The following ZMYM5 variants were observed in gnomAD, a reference collection of about 807,000 sequenced individuals.
ZMYM5 encodes the protein zinc finger MYM-type containing 5, also known as zinc finger MYM-type protein 5.
In ZMYM5, 41 loss-of-function variants were observed where a neutral mutation model predicts 61.8. That is an observed-to-expected ratio of 0.66 (90% CI 0.52 to 0.86). The LOEUF (loss-of-function observed/expected upper bound fraction) is 0.86. Among genes scored for constraint, ZMYM5 ranks in the 40% least tolerant of loss-of-function variants. The pLI, the probability that ZMYM5 is intolerant of heterozygous loss-of-function variation, is 0.00. For synonymous variants in ZMYM5, 257 were observed against 276.4 expected (o/e 0.93, Z 0.70); for missense variants, 706 against 786.7 (o/e 0.90, Z 1.23).
chr13:19,846,883 T>C (rs1353561297), intron 4 of ZMYM5, among the ~76,000 whole-genome samples: 2 of 152,002 alleles, frequency 1.3e-5, no homozygotes, highest in African/African-American at 2.4e-5. Flanking sequence ...GCTATGATCA[T>C]GGCACTGCAC....
chr13:19,838,837 T>G lies in ZMYM5; in HGVS notation c.735A>C (p.Ala245=), dbSNP rs913240848. The G allele has an allele frequency of 6.2e-6, 10 of 1,614,072 alleles. No homozygotes were observed. The highest frequency in any genetic ancestry group is 1.3e-5 in the African/African-American group (1 of 74,938). Residue 245 remains alanine (A), a synonymous_variant, in exon 5 of 8, where the codon GCA becomes GCC. Transcript: ENST00000337963. ...CCTTCTGTAAAGGCTTTTTGCAATT[T>G]GCACAAGTGATTTTAGCTGGTTTAG... ...QLTKPAKITC[A]NCKKPLQKGQ...
chr13:19,860,610 G>A (rs916472752), intron 2 of ZMYM5, among the ~76,000 whole-genome samples: 1 of 150,956 alleles, frequency 6.6e-6, no homozygotes, highest in Admixed American at 6.6e-5. Context: ...GCCCATTTTT[G>A]TATTTTTAGT....
At chr13:19,849,845 A>G (rs1235655616) in intron 4 of ZMYM5, among the ~76,000 whole-genome samples, 4 of 151,880 alleles carry the variant, frequency 2.6e-5, no homozygotes, top group Non-Finnish European at 5.9e-5. Flanking sequence ...GCTAGGCGTG[A>G]TGGCACACGC....
At chr13:19,843,475 A>G (rs1003838978) in intron 4 of ZMYM5, 1 of 151,856 alleles carries the variant, frequency 6.6e-6, no homozygotes, top group Non-Finnish European at 1.5e-5. Context: ...TATAAACATG[A>G]ATGACATCTA....
chr13:19,846,759 T>C (rs1953086947), intron 4 of ZMYM5, among the ~76,000 whole-genome samples: 1 of 149,250 alleles, frequency 6.7e-6, no homozygotes, highest in African/African-American at 2.5e-5. Context: ...CCCCCCCTTT[T>C]TTTTAAGGAA....
intron 4 of ZMYM5, among the ~76,000 whole-genome samples, chr13:19,848,804 G>A (rs1443999632): frequency 6.6e-6 from 1 of 151,926 alleles, no homozygotes; most frequent in Non-Finnish European, 1.5e-5. Context: ...CAAAGTGCTG[G>A]GATTACAGGT....
chr13:19,825,258 TTTTA>T, intron 7 of ZMYM5, 23 bp from the exon 8 acceptor site: 2 of 1,223,694 alleles, frequency 1.6e-6, no homozygotes, highest in South Asian at 3.0e-5. Context: ...AGGATTATAA[TTTTA>T]TTTTAGGTTA....
rs775221093 is a variant in ZMYM5 at position 19,825,041 on chromosome 13, G to C, written c.1446C>G (p.Ile482Met). 3.7e-6 allele frequency: 5 copies of C among 1,367,514 alleles called. No homozygotes were observed. The highest frequency in any genetic ancestry group is 4.9e-6 in the Non-Finnish European group (5 of 1,021,856). 84.7% of individuals were successfully genotyped at this position (1,367,514 alleles called of 1,614,324 possible). A position where few individuals can be genotyped will look rare whatever the true frequency, so the allele number is the denominator to read the frequency against. Residue 482 changes from isoleucine (I) to methionine (M), a missense_variant, in exon 8 of 8, where the codon ATC becomes ATG. Physicochemically the swap from Ile to Met is conservative, Grantham distance 10. Transcript: ENST00000337963. ...AAGGAGGTAAATTCACATTCTCTTG[G>C]ATCAGTAATGTATCCGTGCCACATT... ...SVECGTDTLL[I>M]QENVNLPPSS...
rs1952757867 is a variant in ZMYM5, at chr13:19,838,764, T to TCAC, written c.807_808insGTG (p.Ser269_Thr270insVal). On this transcript the variant is annotated inframe_insertion, in exon 5 of 8. Coordinates refer to ENST00000337963, the MANE Select transcript of ZMYM5 (RefSeq NM_001142684.2). ...TGAGAGAAGGAAGAAAGGCAGGTGG[T>TCAC]AGAGCAAAAGAGGTGAGCTGATCCT... The TCAC allele has an allele frequency of 6.2e-7, 1 of 1,614,100 alleles. No individual in the cohort carries two copies. The highest frequency in any genetic ancestry group is 8.5e-7 in the Non-Finnish European group (1 of 1,180,048).
intron 4 of ZMYM5, among the ~76,000 whole-genome samples, chr13:19,851,129 C>T (rs191703750): frequency 7.9e-5 from 12 of 152,050 alleles, no homozygotes; most frequent in South Asian, 2.1e-4. Flanking sequence ...AAAAAAAAAT[C>T]GCTTGAACCT....
chr13:19,842,209 A>G (rs1288275159), intron 4 of ZMYM5, among the ~76,000 whole-genome samples: 1 of 152,072 alleles, frequency 6.6e-6, no homozygotes, highest in Non-Finnish European at 1.5e-5. Context: ...GCTTCCTTCC[A>G]CCAACCCACC....
intron 4 of ZMYM5, among the ~76,000 whole-genome samples, chr13:19,839,437 G>T (rs1952786648): frequency 6.6e-6 from 1 of 151,348 alleles, no homozygotes; most frequent in African/African-American, 2.4e-5. Context: ...CTCCCAGACC[G>T]GAGTGCAATG....
intron 6 of ZMYM5, chr13:19,837,416 C>T (rs2030195337): frequency 6.6e-7 from 1 of 1,503,906 alleles, no homozygotes; most frequent in Non-Finnish European, 8.8e-7. Context: ...AAACAATTGC[C>T]TTGTTTATGA....
intron 4 of ZMYM5, among the ~76,000 whole-genome samples, chr13:19,840,402 C>T (rs1405992693): frequency 6.6e-6 from 1 of 152,224 alleles, no homozygotes; most frequent in African/African-American, 2.4e-5. Flanking sequence ...GTCCCAGCTT[C>T]TCACTCTGTT....
intron 2 of ZMYM5, among the ~76,000 whole-genome samples, chr13:19,861,986 C>T (rs1430886472): frequency 1.3e-5 from 2 of 152,118 alleles, no homozygotes; most frequent in Non-Finnish European, 2.9e-5. Context: ...TCGTGTGATG[C>T]TAGCTGGAGG....
chr13:19,830,116 G>C (rs761659074), intron 7 of ZMYM5, among the ~76,000 whole-genome samples: 6 of 152,066 alleles, frequency 3.9e-5, no homozygotes, highest in Non-Finnish European at 8.8e-5. Context: ...ATGTCCCCAT[G>C]GGGACAAAAA....
At chr13:19,845,903 T>C (rs1407747052) in intron 4 of ZMYM5, among the ~76,000 whole-genome samples, 3 of 152,170 alleles carry the variant, frequency 2.0e-5, no homozygotes, top group South Asian at 2.1e-4. Flanking sequence ...GCATGACTCA[T>C]TGGTCATATG....
chr13:19,830,839 CTTTTT>C (rs1160103759), intron 7 of ZMYM5, among the ~76,000 whole-genome samples: 2 of 129,558 alleles, frequency 1.5e-5, no homozygotes, highest in Non-Finnish European at 3.3e-5. Flanking sequence ...GTTACTTTTT[CTTTTT>C]TTTTTTTTTT....
chr13:19,826,338 C>A (rs190182334), intron 7 of ZMYM5, among the ~76,000 whole-genome samples: 6 of 151,082 alleles, frequency 4.0e-5, no homozygotes, highest in African/African-American at 1.5e-4. Context: ...GGCAACAGTG[C>A]GAGACTCCGT....
Sources: gnomAD v4.1 joint callset for allele counts (sites outside exome capture counted in the v4.1 genomes callset) on GRCh38, gnomAD v4.1.1 for gene constraint, MANE v1.5 for transcripts, NCBI Gene and HGNC (gene_info 2026-07-23, HGNC 2026-07-21) for gene names.